The following FAM228B variants were observed in gnomAD, a reference collection of about 807,000 sequenced individuals.
FAM228B encodes family with sequence similarity 228 member B.
A neutral mutation model predicts 42.6 loss-of-function variants in FAM228B; 38 were observed. The ratio of observed to expected loss-of-function variants is 0.89; its 90% CI spans 0.69 to 1.17. FAM228B has a LOEUF of 1.17. Among genes scored for constraint, FAM228B ranks in the 50% most tolerant of loss-of-function variants. The pLI, the probability that FAM228B is intolerant of heterozygous loss-of-function variation, is 0.00. For missense variants in FAM228B, 344 were observed against 367.3 expected (o/e 0.94, Z 0.52); for synonymous variants, 109 against 122.3 (o/e 0.89, Z 0.72).
At chr2:24,128,241 T>C (rs1413610758) in intron 2 of FAM228B, among the ~76,000 whole-genome samples, 1 of 152,114 alleles carries the variant, frequency 6.6e-6, no homozygotes, top group Non-Finnish European at 1.5e-5. Context: ...TGTTTCGTTT[T>C]TTGTTGGTTT....
intron 3 of FAM228B, among the ~76,000 whole-genome samples, chr2:24,111,152 T>C (rs1035589501): frequency 3.3e-5 from 5 of 152,072 alleles, no homozygotes; most frequent in Non-Finnish European, 7.4e-5. Flanking sequence ...CCTGAAACTC[T>C]TGGGCTCAAG....
At chr2:24,150,228 A>C (rs1666994666) in intron 7 of FAM228B, among the ~76,000 whole-genome samples, 1 of 152,126 alleles carries the variant, frequency 6.6e-6, no homozygotes, top group Admixed American at 6.5e-5. Context: ...CTTGCTCATT[A>C]ACATCCCTTT....
At chr2:24,109,919 A>C (rs1347175643) in intron 3 of FAM228B, among the ~76,000 whole-genome samples, 1 of 152,254 alleles carries the variant, frequency 6.6e-6, no homozygotes, top group Admixed American at 6.5e-5. Context: ...TTGACCCAGC[A>C]ATCCCATTAC....
upstream of FAM228B, among the ~76,000 whole-genome samples, chr2:24,120,280 C>A (rs1441642530): frequency 5.5e-5 from 8 of 146,002 alleles, no homozygotes; most frequent in East Asian, 2.0e-4. Flanking sequence ...AAAAAAAAAA[C>A]AACAACAAAA....
chr2:24,122,350 G>C, upstream of FAM228B: 10 of 1,176,434 alleles, frequency 8.5e-6, no homozygotes, highest in Non-Finnish European at 1.1e-5. Flanking sequence ...AGTCATGTCT[G>C]CTTCATTTTT....
chr2:24,092,949 C>CAT (rs1665421404), intron 2 of FAM228B, among the ~76,000 whole-genome samples: 1 of 151,502 alleles, frequency 6.6e-6, no homozygotes, highest in African/African-American at 2.4e-5. Context: ...CACACACACA[C>CAT]ACACACACAC....
chr2:24,137,516 G>A (rs1666618748), intron 3 of FAM228B, among the ~76,000 whole-genome samples: 2 of 152,214 alleles, frequency 1.3e-5, no homozygotes, highest in South Asian at 2.1e-4. Flanking sequence ...TCTTAGGGAT[G>A]GGTTTTCACT....
chr2:24,162,115 AAAAACCAAACAGCAACAAC>A (rs1274562436), intron 8 of FAM228B, among the ~76,000 whole-genome samples: 2 of 152,080 alleles, frequency 1.3e-5, no homozygotes, highest in Non-Finnish European at 2.9e-5. Context: ...AAACAAACAA[AAAAACCAAACAGCAACAAC>A]AAAACAAGTA....
intron 1 of FAM228B, among the ~76,000 whole-genome samples, chr2:24,078,197 T>C (rs1664844530): frequency 2.0e-5 from 3 of 150,970 alleles, no homozygotes; most frequent in African/African-American, 7.3e-5. Context: ...CCCACCCCCA[T>C]ATATCTCCTA....
intron 2 of FAM228B, among the ~76,000 whole-genome samples, chr2:24,094,249 T>C (rs1665452077): frequency 6.6e-6 from 1 of 151,906 alleles, no homozygotes; most frequent in African/African-American, 2.4e-5. Flanking sequence ...CTTTTTAAAG[T>C]TTTGGTAGAG....
chr2:24,084,441 C>T lies in FAM228B; in HGVS notation c.-210+3486C>T, dbSNP rs922160777. 3.8e-6 allele frequency: 5 copies of T among 1,328,654 alleles called. No homozygotes were observed. Among genetic ancestry groups the T allele is most frequent in the Non-Finnish European group, 5.0e-6 (5 of 1,010,010 alleles). 82.3% of individuals were successfully genotyped at this position (1,328,654 alleles called of 1,614,324 possible). ...CAGGGGCCGCTGTATCCTCGCGGAG[C>T]AGCCCAGCCTCAGGCTGGCACCGCA... On this transcript the variant is annotated intron_variant, in intron 2 of 10. Transcript: ENST00000613899. The surrounding 1 kb of genome is among the most constrained non-coding windows in gnomAD (Gnocchi z 8.4).
chr2:24,103,580 C>G (rs1355185383), intron 3 of FAM228B, among the ~76,000 whole-genome samples: 3 of 152,168 alleles, frequency 2.0e-5, no homozygotes, highest in African/African-American at 7.2e-5. Flanking sequence ...AACTGGAATG[C>G]TCTACAGAGG....
At chr2:24,134,505 G>A (rs550137430) in intron 2 of FAM228B, among the ~76,000 whole-genome samples, 6 of 152,294 alleles carry the variant, frequency 3.9e-5, no homozygotes, top group African/African-American at 1.4e-4. Flanking sequence ...ACCCAGAAAA[G>A]TAAAAGCATT....
intron 2 of FAM228B, among the ~76,000 whole-genome samples, chr2:24,090,024 A>C (rs1021867838): frequency 6.7e-6 from 1 of 150,050 alleles, no homozygotes; most frequent in African/African-American, 2.5e-5. Context: ...CTGTAATCCC[A>C]GCACTTTGGG....
At chr2:24,155,531 A>ATATATAT (rs1558393367) in intron 7 of FAM228B, among the ~76,000 whole-genome samples, 23 of 13,036 alleles carry the variant, frequency 1.8e-3, no homozygotes, top group Admixed American at 6.2e-3. Flanking sequence ...ATATATATAT[A>ATATATAT]TTTTTTTTTT....
intron 2 of FAM228B, among the ~76,000 whole-genome samples, chr2:24,130,649 AT>A (rs925431394): frequency 3.4e-5 from 5 of 149,230 alleles, no homozygotes; most frequent in Admixed American, 3.3e-4. Flanking sequence ...CCACTTTTTG[AT>A]TTTTTTTTCT....
chr2:24,083,226 C>A, intron 2 of FAM228B: 1 of 1,465,286 alleles, frequency 6.8e-7, no homozygotes, highest in Non-Finnish European at 9.1e-7. Flanking sequence ...GCCCCCCTTC[C>A]AAGATCCCCT....
intron 9 of FAM228B, among the ~76,000 whole-genome samples, chr2:24,167,343 A>C (rs1449423923): frequency 2.0e-5 from 3 of 152,156 alleles, no homozygotes; most frequent in Non-Finnish European, 4.4e-5. Context: ...GGGGGAAAGC[A>C]GGTTTGCAGG....
intron 9 of FAM228B, chr2:24,165,524 C>T (rs1667383533): frequency 2.1e-6 from 1 of 468,504 alleles, no homozygotes; most frequent in African/African-American, 2.0e-5. Flanking sequence ...CTGTTGTCTG[C>T]TGTTGTCTCT....
Sources: allele counts gnomAD v4.1 joint callset (sites outside exome capture counted in the v4.1 genomes callset), GRCh38; gene constraint gnomAD v4.1.1; non-coding constraint Gnocchi (gnomAD v3.1); transcripts MANE v1.5; gene names NCBI Gene and HGNC (gene_info 2026-07-23, HGNC 2026-07-21).